NLGN1: variants seen among roughly 807,000 people sequenced by gnomAD.
NLGN1 encodes the protein neuroligin 1.
In NLGN1, 12 loss-of-function variants were observed where a neutral mutation model predicts 65.5. That is an observed-to-expected ratio of 0.18 (90% CI 0.12 to 0.30). The LOEUF is 0.30. Ranked by LOEUF, NLGN1 falls within the 10% of genes least tolerant of loss-of-function variation. The probability of loss-of-function intolerance (pLI) is 1.00; values close to 1 mark genes in which losing one functional copy is unlikely to be tolerated. For missense variants in NLGN1, 750 were observed against 1,007.1 expected (o/e 0.74, Z 3.46); for synonymous variants, 350 against 359.5 (o/e 0.97, Z 0.30).
At chr3:174,001,502 T>G (rs563548485) in intron 4 of NLGN1, among the ~76,000 whole-genome samples, 1 of 152,308 alleles carries the variant, frequency 6.6e-6, no homozygotes, top group Admixed American at 6.5e-5. Context: ...GCTTGCAGTC[T>G]TGAGAAAAGA....
chr3:173,827,099 T>C (rs1464814046), intron 4 of NLGN1, among the ~76,000 whole-genome samples: 2 of 152,072 alleles, frequency 1.3e-5, no homozygotes, highest in Non-Finnish European at 2.9e-5. Flanking sequence ...CAGCCATACA[T>C]TCCAAGATCT....
At position 173,403,171 on chromosome 3, in the gene NLGN1, G is replaced by GT. The variant is rs796170583; in HGVS notation, c.-390+4693dup. ...ATGCATACTTTCATGATGTTACAGA[G>GT]TTTTTTTTTAAAATAGAAACTGAAT... On this transcript the variant is annotated intron_variant, in intron 1 of 6. Coordinates refer to ENST00000457714, the Ensembl canonical transcript of NLGN1. Among the ~76,000 whole-genome samples the GT allele has an allele frequency of 3.8e-3, 579 of 151,858 alleles. 5 individuals carry two copies. The highest frequency in any genetic ancestry group is 0.013 in the African/African-American group (550 of 41,438).
intron 3 of NLGN1, among the ~76,000 whole-genome samples, chr3:173,627,784 A>G (rs1348271683): frequency 6.6e-6 from 1 of 150,828 alleles, no homozygotes; most frequent in Non-Finnish European, 1.5e-5. Context: ...TCTTAAAAGG[A>G]CTTATGCTTT....
intron 4 of NLGN1, among the ~76,000 whole-genome samples, chr3:174,174,579 A>T (rs1729111596): frequency 6.6e-6 from 1 of 151,916 alleles, no homozygotes; most frequent in Non-Finnish European, 1.5e-5. Flanking sequence ...ATCATTAGTG[A>T]TGTTGAGCAT....
intron 2 of NLGN1, among the ~76,000 whole-genome samples, chr3:173,452,883 A>C (rs1307729331): frequency 6.6e-6 from 1 of 152,220 alleles, no homozygotes; most frequent in East Asian, 1.9e-4. Context: ...TTACGTTTAC[A>C]TGACACTGTA....
At chr3:173,729,943 A>C (rs545296857) in intron 3 of NLGN1, among the ~76,000 whole-genome samples, 31 of 152,086 alleles carry the variant, frequency 2.0e-4, no homozygotes, top group African/African-American at 7.2e-4. Context: ...TGGGACTTAA[A>C]GTTTCTGAAT....
chr3:173,587,465 G>A (rs540863986), intron 2 of NLGN1, among the ~76,000 whole-genome samples: 57 of 152,236 alleles, frequency 3.7e-4, no homozygotes, highest in African/African-American at 1.3e-3. Context: ...TAAACGAAGA[G>A]CAAGGTACCC....
intron 2 of NLGN1, among the ~76,000 whole-genome samples, chr3:173,504,914 A>G (rs185635867): frequency 6.6e-6 from 1 of 152,152 alleles, no homozygotes; most frequent in Admixed American, 6.6e-5. Context: ...CTAAATAAAT[A>G]TTTACAATTA....
At chr3:173,728,514 C>G (rs1578151699) in intron 3 of NLGN1, among the ~76,000 whole-genome samples, 1 of 151,744 alleles carries the variant, frequency 6.6e-6, no homozygotes, top group African/African-American at 2.4e-5. Context: ...TTGAATAGTG[C>G]CCCCCCTCCA....
chr3:174,151,933 A>G (rs1296056276), intron 4 of NLGN1, among the ~76,000 whole-genome samples: 1 of 152,126 alleles, frequency 6.6e-6, no homozygotes, highest in Non-Finnish European at 1.5e-5. Context: ...TATACCATGA[A>G]CTTCCATATA....
intron 2 of NLGN1, among the ~76,000 whole-genome samples, chr3:173,509,029 A>T (rs1181945887): frequency 1.3e-5 from 2 of 152,148 alleles, no homozygotes; most frequent in Admixed American, 6.6e-5. Context: ...CATCATCCCA[A>T]GTCCATCAGA....
chr3:173,842,162 T>G (rs1724901438), intron 4 of NLGN1, among the ~76,000 whole-genome samples: 1 of 152,106 alleles, frequency 6.6e-6, no homozygotes, highest in Non-Finnish European at 1.5e-5. Context: ...AACTATCAGA[T>G]TTCATGAGAC....
chr3:174,052,426 G>A (rs913584846), intron 4 of NLGN1, among the ~76,000 whole-genome samples: 6 of 151,846 alleles, frequency 4.0e-5, no homozygotes, highest in African/African-American at 1.5e-4. Flanking sequence ...ACTTGAGAAT[G>A]CATAATTCAT....
intron 4 of NLGN1, among the ~76,000 whole-genome samples, chr3:174,185,873 T>G (rs5006276): frequency 0.42 from 64,364 of 151,554 alleles, 15,136 homozygotes; most frequent in East Asian, 0.64. Flanking sequence ...ATGTTTATGT[T>G]TTGCACTAAC....
At chr3:174,004,044 T>C (rs1447021960) in intron 4 of NLGN1, among the ~76,000 whole-genome samples, 1 of 152,170 alleles carries the variant, frequency 6.6e-6, no homozygotes, top group African/African-American at 2.4e-5. Flanking sequence ...TTTTTCCATG[T>C]CTGTGGATTG....
chr3:173,948,887 G>A (rs151080192), intron 4 of NLGN1, among the ~76,000 whole-genome samples: 259 of 152,214 alleles, frequency 1.7e-3, no homozygotes, highest in African/African-American at 5.7e-3. Context: ...TAGATAAAGT[G>A]AAGAGAATTG....
At chr3:173,797,225 C>CT (rs1174906507) in intron 3 of NLGN1, among the ~76,000 whole-genome samples, 4 of 152,118 alleles carry the variant, frequency 2.6e-5, no homozygotes, top group African/African-American at 9.7e-5. Flanking sequence ...TTCTCAGTGC[C>CT]TTTAGGCGTA....
At chr3:173,627,140 T>C (rs2149525261) in intron 3 of NLGN1, among the ~76,000 whole-genome samples, 1 of 152,240 alleles carries the variant, frequency 6.6e-6, no homozygotes, top group East Asian at 1.9e-4. Context: ...TATTGAGGTA[T>C]AATTGACAAA....
intron 4 of NLGN1, among the ~76,000 whole-genome samples, chr3:173,908,414 C>G (rs963223203): frequency 6.6e-6 from 1 of 152,138 alleles, no homozygotes. Flanking sequence ...ATTTTCAAAC[C>G]TCACAATCTC....
Sources: allele counts gnomAD v4.1 joint callset (sites outside exome capture counted in the v4.1 genomes callset), GRCh38; gene constraint gnomAD v4.1.1; transcripts MANE v1.5; gene names NCBI Gene and HGNC (gene_info 2026-07-23, HGNC 2026-07-21).